Variants in HSD3B7 observed in about 807,000 individuals in gnomAD.
HSD3B7 encodes the protein hydroxy-delta-5-steroid dehydrogenase, 3 beta- and steroid delta-isomerase 7.
Under a neutral mutation model 34.3 loss-of-function variants are expected in HSD3B7, and 35 were observed. That is an observed-to-expected ratio of 1.02 (90% CI 0.78 to 1.35). The LOEUF (loss-of-function observed/expected upper bound fraction) is 1.35, where lower values mean the gene tolerates loss of function less well. Among genes scored for constraint, HSD3B7 ranks in the 40% most tolerant of loss-of-function variants. The pLI is 0.00. For missense variants in HSD3B7, 426 were observed against 504.7 expected (o/e 0.84, Z 1.49); for synonymous variants, 217 against 220.1 (o/e 0.99, Z 0.13).
Position 30,985,992 on chromosome 16 carries a change from AGCCTCTG to A in HSD3B7, c.167-46_167-40del, listed in dbSNP as rs752960743. 59 of 1,598,740 alleles carry A rather than the reference AGCCTCTG, an allele frequency of 3.7e-5. No individual in the cohort carries two copies. In the Admixed American group the frequency reaches 8.9e-4, roughly 24 times the overall value. ...TGACTCCAGGGTGGAAGATGAACCC[AGCCTCTG>A]GCCTCTGGCCCCAGCTCTGACATGG... On this transcript the variant is annotated intron_variant, in intron 2 of 6. Coordinates refer to ENST00000297679, the MANE Select transcript of HSD3B7 (RefSeq NM_025193.4).
In HSD3B7 at chr16:30,986,062, G is replaced by A. The variant is rs1324656935; in HGVS notation, c.180G>A (p.Val60=). The A allele has an allele frequency of 6.2e-7, 1 of 1,612,958 alleles. No individual in the cohort carries two copies. Among genetic ancestry groups the A allele is most frequent in the African/African-American group, 1.3e-5 (1 of 74,922 alleles). ...AACCCCGGCCAGGGCCTGTGAGGGT[G>A]ACTGCCATCCAGGGGGACGTGACCC... The part of the protein sequence containing the change: ...LEELKTGPVR[V]TAIQGDVTQA... The change falls in exon 3 of 7, where the codon GTG becomes GTA. Residue 60 remains valine (V), a synonymous_variant. Coordinates refer to ENST00000297679, the MANE Select transcript of HSD3B7 (RefSeq NM_025193.4).
At chr16:30,987,084 T>C (rs2143636898) in intron 6 of HSD3B7, 82 bp downstream of exon 6, 1 of 1,457,162 alleles carries the variant, frequency 6.9e-7, no homozygotes, top group Non-Finnish European at 9.3e-7. Context: ...CACATGGCCC[T>C]GGGAGAGAAG....
rs771282021 is a variant in HSD3B7, at chr16:30,986,604, GGGGCAACGAAGACACCCCATACGAAGCA to G, written c.433_460del (p.Gly145CysfsTer32). ...TTGAGTCTTCCTTCTCCTCCCACCA[GGGGCAACGAAGACACCCCATACGAAGCA>G]GTGCACAGGCACCCCTATCCTTGCA... On this transcript the variant is annotated frameshift_variant and splice_region_variant, in exon 5 of 7. Coordinates refer to ENST00000297679, the MANE Select transcript of HSD3B7 (RefSeq NM_025193.4). LOFTEE classifies it high-confidence loss of function. The G allele has an allele frequency of 6.2e-7, 1 of 1,614,114 alleles. No individual in the cohort carries two copies. The highest frequency in any genetic ancestry group is 8.5e-7 in the Non-Finnish European group (1 of 1,179,966).
Position 30,986,979 on chromosome 16 carries a change from T to C in HSD3B7, c.671T>C (p.Val224Ala), listed in dbSNP as rs750327663. Residue 224 changes from valine to alanine, a missense_variant, in exon 6 of 7, where the codon GTG (valine) becomes GCG (alanine). Physicochemically the swap from Val to Ala is moderately conservative, Grantham distance 64 (BLOSUM62 0). Coordinates refer to ENST00000297679, the MANE Select transcript of HSD3B7 (RefSeq NM_025193.4). ...GWLFRAIPAS[V>A]EHGRVYVGNV... is the part of the protein sequence containing the mutation. ...CTCTTCCGGGCCATCCCGGCCTCTGTGGAGCATGGCCGGGTCTATGTGGGT... is the reference window on the plus strand; with the variant it reads ...CTCTTCCGGGCCATCCCGGCCTCTGCGGAGCATGGCCGGGTCTATGTGGGT... 18 of 1,612,576 alleles carry C rather than the reference T, an allele frequency of 1.1e-5. No homozygotes were observed. The East Asian group carries it at 2.7e-4, about 24-fold the overall frequency.
Position 30,988,079 on chromosome 16 carries a change from G to T in HSD3B7, c.1006G>T (p.Asp336Tyr). 1 of 1,606,374 alleles carries T rather than the reference G, an allele frequency of 6.2e-7. No individual in the cohort carries two copies. The highest frequency in any genetic ancestry group is 1.1e-5 in the South Asian group (1 of 91,058). Residue 336 changes from aspartate to tyrosine, a missense_variant, in exon 7 of 7, where the codon GAC becomes TAC. Physicochemically the swap from Asp to Tyr is radical, Grantham distance 160 (BLOSUM62 -3). Coordinates refer to ENST00000297679, the MANE Select transcript of HSD3B7 (RefSeq NM_025193.4). ...CAACACCACCTTCACCGTCAGCACC[G>T]ACAAGGCTCAGCGCCATTTCGGCTA... ...VANTTFTVSTDKAQRHFGYEP... is the reference protein window; with the variant it reads ...VANTTFTVSTYKAQRHFGYEP...
At position 30,985,647 on chromosome 16, in the gene HSD3B7, C is replaced by T. The variant is rs749221156; in HGVS notation, c.-6-6C>T. On this transcript the variant is annotated splice_region_variant and splice_polypyrimidine_tract_variant and intron_variant, in intron 1 of 6. Transcript: ENST00000297679. ...GCCCCTGGATGAGCCAAGGTCTCTTCCCCAGCCAGGCATGGCCGACTCTGC... is the reference window on the plus strand; with the variant it reads ...GCCCCTGGATGAGCCAAGGTCTCTTTCCCAGCCAGGCATGGCCGACTCTGC... 2 of 1,598,722 alleles carry T rather than the reference C, an allele frequency of 1.3e-6. No individual in the cohort carries two copies. Among genetic ancestry groups the T allele is most frequent in the South Asian group, 2.2e-5 (2 of 89,122 alleles).
rs769032830 is a variant in HSD3B7, at chr16:30,987,801, G to T, written c.728G>T (p.Arg243Leu). 2 of 1,612,952 alleles carry T rather than the reference G, an allele frequency of 1.2e-6. No individual in the cohort carries two copies. Among genetic ancestry groups the T allele is most frequent in the South Asian group, 2.2e-5 (2 of 91,072 alleles). The change falls in exon 7 of 7, where the codon CGG becomes CTG. Residue 243 changes from arginine to leucine, a missense_variant. Arg to Leu is a moderately radical substitution (Grantham distance 102). Transcript: ENST00000297679. ...GCCTGGATGCACGTGCTGGCAGCCC[G>T]GGAGCTGGAGCAGCGGGCAACCCTG... Reference protein sequence around the residue: ...NVAWMHVLAARELEQRATLMG... With the variant: ...NVAWMHVLAALELEQRATLMG...
rs2056490931 is a variant in HSD3B7, at chr16:30,987,003, G to A, written c.694+1G>A. 2 of 1,609,566 alleles carry A rather than the reference G, an allele frequency of 1.2e-6. No homozygotes were observed. Among genetic ancestry groups the A allele is most frequent in the East Asian group, 2.2e-5 (1 of 44,770 alleles). ...GTGGAGCATGGCCGGGTCTATGTGG[G>A]TGAGGACTGGGCTAGGCAGGGGGAG... On this transcript the variant is annotated splice_donor_variant, in intron 6 of 6. Transcript: ENST00000297679. LOFTEE classifies it high-confidence loss of function.
intron 1 of HSD3B7, 169 bp from the exon 2 acceptor site, chr16:30,985,484 C>T: frequency 6.7e-7 from 1 of 1,494,558 alleles, no homozygotes; most frequent in Non-Finnish European, 8.9e-7. Flanking sequence ...CGTAACTCAG[C>T]CATCAGCAGG....
chr16:30,987,767 G>A lies in HSD3B7; in HGVS notation c.695-1G>A. ...GTCCGCCTCTCTTCCGCCACCGGCA[G>A]GCAATGTTGCCTGGATGCACGTGCT... On this transcript the variant is annotated splice_acceptor_variant, in intron 6 of 6. Transcript: ENST00000297679. LOFTEE classifies it high-confidence loss of function. The A allele has an allele frequency of 6.2e-7, 1 of 1,611,826 alleles. No individual in the cohort carries two copies. Among genetic ancestry groups the A allele is most frequent in the South Asian group, 1.1e-5 (1 of 91,078 alleles).
chr16:30,985,511 C>A, intron 1 of HSD3B7, 142 bp from the exon 2 acceptor site: 1 of 1,514,118 alleles, frequency 6.6e-7, no homozygotes. Flanking sequence ...CGGCAGGTGG[C>A]CTGGTTGCTG....
At position 30,985,216 on chromosome 16, in the gene HSD3B7, A is replaced by G; in HGVS notation, c.-88A>G. On this transcript the variant is annotated 5_prime_UTR_variant, in exon 1 of 7. Coordinates refer to ENST00000297679, the MANE Select transcript of HSD3B7 (RefSeq NM_025193.4). ...GGGAGAAGGAGGAGCCAGCGGAAGGACGGTGTGCGGGCCGGCCAGCCCTGG... is the reference window on the plus strand; with the variant it reads ...GGGAGAAGGAGGAGCCAGCGGAAGGGCGGTGTGCGGGCCGGCCAGCCCTGG... The G allele has an allele frequency of 2.0e-5, 22 of 1,083,292 alleles. No homozygotes were observed. The highest frequency in any genetic ancestry group is 2.5e-5 in the Non-Finnish European group (22 of 886,546). The allele number at this position is 1,083,292 out of a possible 1,614,324, so 67.1% of individuals were successfully genotyped here. A position where few individuals can be genotyped will look rare whatever the true frequency, so the allele number is the denominator to read the frequency against.
At position 30,988,230 on chromosome 16, in the gene HSD3B7, G is replaced by A; in HGVS notation, c.*47G>A. On this transcript the variant is annotated 3_prime_UTR_variant, in exon 7 of 7. Coordinates refer to ENST00000297679, the MANE Select transcript of HSD3B7 (RefSeq NM_025193.4). ...GCCCAGATACAGCACATCCACCCAG[G>A]TCCCGAGCCCTCACACCCTGGACGG... is the stretch of plus-strand genomic sequence containing the variant. 1 of 1,536,312 alleles carries A rather than the reference G, an allele frequency of 6.5e-7. No individual in the cohort carries two copies. Among genetic ancestry groups the A allele is most frequent in the Non-Finnish European group, 8.7e-7 (1 of 1,143,788 alleles).
At chr16:30,986,025 C>T (rs769263930) in intron 2 of HSD3B7, 24 bp from the exon 3 acceptor site, 1 of 1,611,466 alleles carries the variant, frequency 6.2e-7, no homozygotes, top group South Asian at 1.1e-5. Flanking sequence ...TCTGACATGG[C>T]CTGTGTCCTC....
chr16:30,986,905 C>T lies in HSD3B7; in HGVS notation c.597C>T (p.His199=). The T allele has an allele frequency of 6.2e-7, 1 of 1,613,904 alleles. No homozygotes were observed. The highest frequency in any genetic ancestry group is 8.5e-7 in the Non-Finnish European group (1 of 1,180,024). The change falls in exon 6 of 7, where the codon CAC becomes CAT. Residue 199 remains histidine, a synonymous_variant. Coordinates refer to ENST00000297679, the MANE Select transcript of HSD3B7 (RefSeq NM_025193.4). ...CCACGGGCATCTACGGTGAAGGCCACCAGATCATGAGGGACTTCTACCGCC... is the reference window on the plus strand; with the variant it reads ...CCACGGGCATCTACGGTGAAGGCCATCAGATCATGAGGGACTTCTACCGCC... ...LRPTGIYGEG[H]QIMRDFYRQG...
intron 2 of HSD3B7, 76 bp downstream of exon 2, chr16:30,985,900 C>T (rs750557922): frequency 1.9e-6 from 3 of 1,585,268 alleles, no homozygotes; most frequent in Non-Finnish European, 2.6e-6. Flanking sequence ...ATCCCCACCC[C>T]TGCAGTGGAA....
In HSD3B7 at chr16:30,986,852, C is replaced by A; in HGVS notation, c.544C>A (p.Leu182Met). The A allele has an allele frequency of 6.2e-7, 1 of 1,613,998 alleles. No individual in the cohort carries two copies. The highest frequency in any genetic ancestry group is 1.1e-5 in the South Asian group (1 of 91,088). Residue 182 changes from leucine (L) to methionine (M), a missense_variant, in exon 6 of 7, where the codon CTG (leucine) becomes ATG (methionine). Leu to Met is a conservative substitution (Grantham distance 15, BLOSUM62 2). Coordinates refer to ENST00000297679, the MANE Select transcript of HSD3B7 (RefSeq NM_025193.4). ...CCTTTGCCACCAGGTCCGTGGGGGGCTGCCCCTGGTGACGTGTGCCCTTCG... is the reference window on the plus strand; with the variant it reads ...CCTTTGCCACCAGGTCCGTGGGGGGATGCCCCTGGTGACGTGTGCCCTTCG... ...EANGRKVRGGLPLVTCALRPT... is the reference protein window; with the variant it reads ...EANGRKVRGGMPLVTCALRPT...
chr16:30,986,395 A>G (rs1354402883), intron 3 of HSD3B7, 28 bp from the exon 4 acceptor site: 2 of 1,602,456 alleles, frequency 1.2e-6, no homozygotes, highest in African/African-American at 1.3e-5. Flanking sequence ...AAGAAGCTGC[A>G]GCTTGGATAC....
chr16:30,986,268 G>A, intron 3 of HSD3B7, 64 bp downstream of exon 3: 1 of 1,583,030 alleles, frequency 6.3e-7, no homozygotes, highest in Non-Finnish European at 8.6e-7. Flanking sequence ...CTTTGGCCTT[G>A]ACCTCCGGTG....
Sources: gnomAD v4.1 joint callset for allele counts on GRCh38, gnomAD v4.1.1 for gene constraint, MANE v1.5 for transcripts, NCBI Gene and HGNC (gene_info 2026-07-23, HGNC 2026-07-21) for gene names.